Variants in RGS7 observed in about 807,000 individuals in gnomAD.
RGS7 encodes the protein regulator of G protein signaling 7.
Under a neutral mutation model 81.1 loss-of-function variants are expected in RGS7, and 27 were observed. The ratio of observed to expected loss-of-function variants is 0.33; its 90% confidence interval spans 0.25 to 0.46. The LOEUF is 0.46. Among genes scored for constraint, RGS7 ranks in the 20% least tolerant of loss-of-function variants. The pLI, the probability that RGS7 is intolerant of heterozygous loss-of-function variation, is 1.00. For synonymous variants in RGS7, 208 were observed against 207.7 expected, an observed-to-expected ratio of 1.00 and a Z score of -0.01; for missense variants, 396 against 607.4, an observed-to-expected ratio of 0.65 and a Z score of 3.66.
chr1:241,244,906 A>G (rs2076444626), intron 2 of RGS7, among the ~76,000 whole-genome samples: 1 of 145,124 alleles, frequency 6.9e-6, no homozygotes, highest in Admixed American at 7.0e-5. Context: ...GAATTGAACA[A>G]TGAGAACATA....
intron 2 of RGS7, among the ~76,000 whole-genome samples, chr1:241,291,429 G>A (rs759687587): frequency 5.9e-5 from 9 of 152,248 alleles, no homozygotes; most frequent in Non-Finnish European, 1.0e-4. Context: ...AACTTTTAGA[G>A]CTACATTGAG....
chr1:241,336,853 C>T (rs1038273194), intron 2 of RGS7, among the ~76,000 whole-genome samples: 1 of 152,160 alleles, frequency 6.6e-6, no homozygotes, highest in South Asian at 2.1e-4. Context: ...TTCCTGGCAC[C>T]TTCATATGTG....
chr1:241,159,162 T>C (rs777983063), intron 2 of RGS7, among the ~76,000 whole-genome samples: 2 of 152,238 alleles, frequency 1.3e-5, no homozygotes, highest in Non-Finnish European at 2.9e-5. Flanking sequence ...ACTATATCAA[T>C]TGCTTGCCTA....
intron 3 of RGS7, among the ~76,000 whole-genome samples, chr1:241,007,819 C>A (rs1572235124): frequency 6.6e-6 from 1 of 152,204 alleles, no homozygotes; most frequent in East Asian, 1.9e-4. Flanking sequence ...GTCCTGAGGG[C>A]CCAGGTGAGG....
chr1:241,295,122 ATAATT>A (rs1270305661), intron 2 of RGS7, among the ~76,000 whole-genome samples: 1 of 152,192 alleles, frequency 6.6e-6, no homozygotes, highest in East Asian at 1.9e-4. Flanking sequence ...AGTTACTTTC[ATAATT>A]TAAAACTTGT....
chr1:240,932,689 T>TCCAGCC (rs1675701053), intron 5 of RGS7, among the ~76,000 whole-genome samples: 1 of 149,138 alleles, frequency 6.7e-6, no homozygotes, highest in African/African-American at 2.5e-5. Context: ...TTTGTATTTT[T>TCCAGCC]AGTAGAGACG....
chr1:241,041,908 G>C (rs1393784493), intron 3 of RGS7, among the ~76,000 whole-genome samples: 1 of 152,086 alleles, frequency 6.6e-6, no homozygotes, highest in African/African-American at 2.4e-5. Context: ...CTTATTTGTT[G>C]TTGTGTCCCT....
chr1:240,801,414 T>C, intron 17 of RGS7, 41 bp downstream of exon 17: 1 of 1,352,912 alleles, frequency 7.4e-7, no homozygotes, highest in Non-Finnish European at 1.1e-6. Context: ...AAAATTTCAT[T>C]GGACTTAATG....
intron 2 of RGS7, among the ~76,000 whole-genome samples, chr1:241,206,623 G>A (rs747134036): frequency 2.3e-4 from 35 of 152,108 alleles, no homozygotes; most frequent in Admixed American, 9.2e-4. Flanking sequence ...CCATCTATGT[G>A]CCCAATCTTA....
At chr1:241,130,367 T>G (rs7550902) in intron 2 of RGS7, among the ~76,000 whole-genome samples, 17,717 of 151,542 alleles carry the variant, frequency 0.12, 3,411 homozygotes, top group African/African-American at 0.4. Context: ...CACTAGGCTC[T>G]GAACCAATGC....
At chr1:240,998,365 G>A (rs1305708854) in intron 3 of RGS7, 4 of 508,906 alleles carry the variant, frequency 7.9e-6, no homozygotes, top group Admixed American at 3.5e-5. Context: ...TGCTATGCTT[G>A]TGATGTTTTT....
intron 2 of RGS7, among the ~76,000 whole-genome samples, chr1:241,214,223 G>T (rs1357412332): frequency 6.6e-6 from 1 of 151,560 alleles, no homozygotes; most frequent in African/African-American, 2.4e-5. Flanking sequence ...AATTCTCTCG[G>T]TTTTTATTTA....
chr1:240,954,328 A>G (rs1476320148), intron 4 of RGS7, among the ~76,000 whole-genome samples: 1 of 152,134 alleles, frequency 6.6e-6, no homozygotes, highest in Non-Finnish European at 1.5e-5. Context: ...TCTCTTATTG[A>G]CATAGAAACA....
At chr1:241,236,034 CAT>C (rs2075955693) in intron 2 of RGS7, among the ~76,000 whole-genome samples, 3 of 151,894 alleles carry the variant, frequency 2.0e-5, no homozygotes, top group African/African-American at 7.2e-5. Flanking sequence ...TATTTGTTCA[CAT>C]GTTTTTAAAG....
intron 3 of RGS7, among the ~76,000 whole-genome samples, chr1:240,990,101 CAGGG>C (rs1209206980): frequency 1.3e-5 from 2 of 152,166 alleles, no homozygotes; most frequent in Non-Finnish European, 2.9e-5. Flanking sequence ...GTCTCAGCTG[CAGGG>C]AGGTGCCCAT....
chr1:241,259,667 A>AAAAAATATATATATAT, intron 2 of RGS7, among the ~76,000 whole-genome samples: 9 of 49,134 alleles, frequency 1.8e-4, no homozygotes, highest in African/African-American at 7.2e-4. Context: ...AAAAAAAAAA[A>AAAAAATATATATATAT]ATATATATAT....
intron 2 of RGS7, among the ~76,000 whole-genome samples, chr1:241,193,894 C>T (rs1186735235): frequency 6.6e-6 from 1 of 152,180 alleles, no homozygotes; most frequent in South Asian, 2.1e-4. Flanking sequence ...GGAGATGAAG[C>T]ATCTGAATGA....
At chr1:240,849,411 T>TG (rs1013272264) in intron 9 of RGS7, among the ~76,000 whole-genome samples, 14 of 152,306 alleles carry the variant, frequency 9.2e-5, no homozygotes, top group East Asian at 5.8e-4. Flanking sequence ...AAAGAAGTCC[T>TG]GGGGGAAATA....
intron 5 of RGS7, among the ~76,000 whole-genome samples, chr1:240,934,605 A>C (rs1283245871): frequency 6.6e-6 from 1 of 152,126 alleles, no homozygotes; most frequent in African/African-American, 2.4e-5. Flanking sequence ...TGTTTGTTAT[A>C]TTTAGATACT....
Sources: gnomAD v4.1 joint callset for allele counts (sites outside exome capture counted in the v4.1 genomes callset) on GRCh38, gnomAD v4.1.1 for gene constraint, MANE v1.5 for transcripts, NCBI Gene and HGNC (gene_info 2026-07-23, HGNC 2026-07-21) for gene names.